The following CAST variants were observed in gnomAD, a reference collection of about 807,000 sequenced individuals.
The protein encoded by CAST is MIR583 host.
In CAST, 76 loss-of-function variants were observed where a neutral mutation model predicts 119.6. The observed-to-expected ratio is 0.64, with a 90% confidence interval of 0.53 to 0.77. CAST has a LOEUF of 0.77. Ranked by LOEUF, CAST falls within the 30% of genes least tolerant of loss-of-function variation. The probability of loss-of-function intolerance (pLI) is 0.00; values close to 1 mark genes in which losing one functional copy is unlikely to be tolerated. For missense variants in CAST, 953 were observed against 946.5 expected, an observed-to-expected ratio of 1.01 and a Z score of -0.09; for synonymous variants, 319 against 331.6, an observed-to-expected ratio of 0.96 and a Z score of 0.41.
the CAST span, among the ~76,000 whole-genome samples, chr5:96,471,764 C>CTGTGTG: frequency 1.0e-3 from 72 of 70,652 alleles, 1 homozygote; most frequent in African/African-American, 3.7e-3. Flanking sequence ...CAAATGGAGT[C>CTGTGTG]TGTGTGTGTG....
At chr5:96,241,252 C>G in the CAST span, among the ~76,000 whole-genome samples, 8 of 141,952 alleles carry the variant, frequency 5.6e-5, no homozygotes, top group Admixed American at 5.1e-4. Context: ...GTGATGTTCC[C>G]CTTCCTATGT....
At chr5:96,383,573 G>A in the CAST span, among the ~76,000 whole-genome samples, 1 of 152,190 alleles carries the variant, frequency 6.6e-6, no homozygotes, top group Non-Finnish European at 1.5e-5. Flanking sequence ...AGCCTCCCGA[G>A]TAGCTGGGAC....
chr5:96,162,711 C>T, the CAST span, among the ~76,000 whole-genome samples: 1 of 152,172 alleles, frequency 6.6e-6, no homozygotes, highest in Non-Finnish European at 1.5e-5. Flanking sequence ...AGCCACTGCA[C>T]CCGGCCTGAT....
intron 1 of CAST, among the ~76,000 whole-genome samples, chr5:96,573,081 A>G (rs553704220): frequency 1.3e-5 from 2 of 152,228 alleles, no homozygotes; most frequent in African/African-American, 2.4e-5. Flanking sequence ...GCAATGCATG[A>G]TGTAAGTAAC....
chr5:96,204,420 T>TA, the CAST span, among the ~76,000 whole-genome samples: 1 of 152,074 alleles, frequency 6.6e-6, no homozygotes, highest in East Asian at 1.9e-4. Flanking sequence ...GACTCTTGGG[T>TA]AAGGAGGACA....
At chr5:96,425,008 A>AAAAAG in the CAST span, among the ~76,000 whole-genome samples, 16 of 117,478 alleles carry the variant, frequency 1.4e-4, no homozygotes, top group Admixed American at 1.2e-3. Flanking sequence ...AGAAAGAAAG[A>AAAAAG]AAAGAAAGAA....
At chr5:96,341,125 CCAG>C in the CAST span, among the ~76,000 whole-genome samples, 12 of 152,280 alleles carry the variant, frequency 7.9e-5, no homozygotes, top group Non-Finnish European at 1.2e-4. Flanking sequence ...TAATTTGTAT[CCAG>C]CATGTAAATA....
the CAST span, among the ~76,000 whole-genome samples, chr5:96,301,015 A>G: frequency 6.6e-6 from 1 of 152,140 alleles, no homozygotes; most frequent in Non-Finnish European, 1.5e-5. Flanking sequence ...ACATTGCTAT[A>G]AAGAACTACC....
intron 2 of CAST, among the ~76,000 whole-genome samples, chr5:96,689,229 T>C (rs1490936301): frequency 6.6e-6 from 1 of 152,224 alleles, no homozygotes; most frequent in Non-Finnish European, 1.5e-5. Flanking sequence ...AAGAGGTTTA[T>C]ATGCACACAC....
chr5:96,532,721 A>G (rs557974697), intron 1 of CAST, among the ~76,000 whole-genome samples: 1 of 152,140 alleles, frequency 6.6e-6, no homozygotes, highest in Non-Finnish European at 1.5e-5. Flanking sequence ...GTGGTGGTGC[A>G]CACCTGTAAT....
the CAST span, among the ~76,000 whole-genome samples, chr5:96,387,993 C>A: frequency 1.9e-4 from 29 of 152,230 alleles, 1 homozygote; most frequent in African/African-American, 6.5e-4. Context: ...GATTGGGGGT[C>A]CCTGTTCAGA....
the CAST span, chr5:96,408,288 C>T: frequency 4.5e-5 from 73 of 1,613,936 alleles, 1 homozygote; most frequent in East Asian, 7.6e-4. Flanking sequence ...TGCCTGTGTG[C>T]GTCTCCGTGC....
the CAST span, among the ~76,000 whole-genome samples, chr5:96,466,769 A>C: frequency 2.0e-5 from 3 of 152,276 alleles, no homozygotes; most frequent in Admixed American, 1.3e-4. Context: ...GTAGAAACTT[A>C]TAATACCTCT....
Position 96,754,741 on chromosome 5 carries a change from G to A in CAST, c.1710G>A (p.Lys570=). 6.4e-7 allele frequency: 1 copy of A among 1,554,910 alleles called. No individual in the cohort carries two copies. The highest frequency in any genetic ancestry group is 8.9e-7 in the Non-Finnish European group (1 of 1,127,378). ...CTGATTATAGATTAGAAGAGGTCAAGGTAAACAGGCTGGAGTCTTTTTCTA... is the reference window on the plus strand; with the variant it reads ...CTGATTATAGATTAGAAGAGGTCAAAGTAAACAGGCTGGAGTCTTTTTCTA... ...IPPDYRLEEV[K]DKDGKPLLPK... The change falls in exon 22 of 32, where the codon AAG becomes AAA. Residue 570 remains lysine (K), a splice_region_variant and synonymous_variant. Coordinates refer to ENST00000675179, the MANE Select transcript of CAST (RefSeq NM_001750.7).
chr5:96,367,937 G>A, the CAST span, among the ~76,000 whole-genome samples: 2 of 151,862 alleles, frequency 1.3e-5, no homozygotes, highest in Admixed American at 6.6e-5. Flanking sequence ...CTGTAGAGTG[G>A]GGCTCTTCCT....
chr5:96,397,208 T>C, the CAST span: 1 of 804,878 alleles, frequency 1.2e-6, no homozygotes, highest in Non-Finnish European at 2.1e-6. Flanking sequence ...CACTCTACTT[T>C]TCCCTTACTT....
intron 15 of CAST, 68 bp from the exon 16 acceptor site, chr5:96,742,587 G>T: frequency 1.0e-6 from 1 of 1,001,022 alleles, no homozygotes; most frequent in East Asian, 2.5e-5. Flanking sequence ...ATTTTACAAA[G>T]AAGTAAATGG....
At chr5:96,680,954 G>A (rs1050303177) in intron 2 of CAST, among the ~76,000 whole-genome samples, 3 of 152,220 alleles carry the variant, frequency 2.0e-5, no homozygotes, top group African/African-American at 7.2e-5. Context: ...AAGCTGCACC[G>A]AGGCAGTCAT....
chr5:95,983,954 T>C, the CAST span, among the ~76,000 whole-genome samples: 1 of 152,156 alleles, frequency 6.6e-6, no homozygotes, highest in East Asian at 1.9e-4. Flanking sequence ...AAAAATGGGC[T>C]CATTTAAAAA....
Sources: gnomAD v4.1 joint callset for allele counts (sites outside exome capture counted in the v4.1 genomes callset) on GRCh38, gnomAD v4.1.1 for gene constraint, MANE v1.5 for transcripts, NCBI Gene and HGNC (gene_info 2026-07-23, HGNC 2026-07-21) for gene names.